Variants in PDE1A observed in about 807,000 individuals in gnomAD.
PDE1A encodes dual specificity calcium/calmodulin-dependent 3',5'-cyclic nucleotide phosphodiesterase 1A.
PDE1A carries 35 observed loss-of-function variants against 61.7 expected under a neutral mutation model. The ratio of observed to expected loss-of-function variants is 0.57; its 90% CI spans 0.43 to 0.75. PDE1A has a LOEUF of 0.75. Ranked by LOEUF, PDE1A falls within the 30% of genes least tolerant of loss-of-function variation. The pLI, the probability that PDE1A is intolerant of heterozygous loss-of-function variation, is 0.00. For synonymous variants in PDE1A, 232 were observed against 213.2 expected (o/e 1.09, Z -0.77); for missense variants, 597 against 630.6 (o/e 0.95, Z 0.57).
At chr2:182,594,998 A>G in the PDE1A span, among the ~76,000 whole-genome samples, 885 of 152,350 alleles carry the variant, frequency 5.8e-3, 8 homozygotes, top group African/African-American at 0.02. Flanking sequence ...TAATTTAACA[A>G]CTGTGCATAG....
the PDE1A span, among the ~76,000 whole-genome samples, chr2:182,626,079 C>A: frequency 6.6e-6 from 1 of 152,150 alleles, no homozygotes; most frequent in East Asian, 1.9e-4. Context: ...CTCCCTGCTG[C>A]CTTTGAAATC....
the PDE1A span, among the ~76,000 whole-genome samples, chr2:182,638,721 A>C: frequency 6.6e-6 from 1 of 152,198 alleles, no homozygotes; most frequent in Non-Finnish European, 1.5e-5. Context: ...ACAAAGTTGC[A>C]CAGGAAGATT....
chr2:182,498,379 G>T (rs1688850785), intron 2 of PDE1A, among the ~76,000 whole-genome samples: 1 of 152,002 alleles, frequency 6.6e-6, no homozygotes, highest in Non-Finnish European at 1.5e-5. Context: ...ATGTTATCAG[G>T]TCTCAGAAAA....
chr2:182,562,896 G>T, the PDE1A span, among the ~76,000 whole-genome samples: 1 of 152,160 alleles, frequency 6.6e-6, no homozygotes, highest in African/African-American at 2.4e-5. Context: ...GGGATCAGTG[G>T]TGATATCCCC....
the PDE1A span, among the ~76,000 whole-genome samples, chr2:182,690,686 C>T: frequency 6.6e-6 from 1 of 152,082 alleles, no homozygotes; most frequent in Admixed American, 6.5e-5. Context: ...CCAGGGCAAT[C>T]GGGCAAGAGA....
intron 6 of PDE1A, 32 bp downstream of exon 6, chr2:182,229,974 C>T (rs58158843): frequency 3.0e-5 from 47 of 1,580,720 alleles, no homozygotes; most frequent in Non-Finnish European, 4.1e-5. Context: ...TGCTTCCAAA[C>T]TAACAAACCT....
chr2:182,385,525 A>T (rs2125340541), intron 1 of PDE1A, among the ~76,000 whole-genome samples: 2 of 152,070 alleles, frequency 1.3e-5, no homozygotes, highest in Middle Eastern at 6.8e-3. Context: ...GCTTCATGTT[A>T]ATCACAAAGC....
intron 2 of PDE1A, among the ~76,000 whole-genome samples, chr2:182,435,105 A>C (rs1399719335): frequency 1.3e-5 from 2 of 152,024 alleles, no homozygotes; most frequent in African/African-American, 2.4e-5. Flanking sequence ...AGTGCTGCCC[A>C]TCAAAAAACT....
chr2:182,175,331 C>T (rs1191734280), intron 13 of PDE1A, among the ~76,000 whole-genome samples: 1 of 152,220 alleles, frequency 6.6e-6, no homozygotes, highest in Non-Finnish European at 1.5e-5. Flanking sequence ...TTCTCCACAT[C>T]CTCTCCAGTA....
In PDE1A at chr2:182,393,637, T is replaced by C. The variant is rs555165439; in HGVS notation, c.53+32941A>G. 2.0e-5 allele frequency among the ~76,000 whole-genome samples: 3 copies of C among 152,330 alleles called. No homozygotes were observed. In the South Asian group the frequency reaches 6.2e-4, roughly 32 times the overall value. ...AAACATGTTATGATTCCAAACCATA[T>C]TTTTGTGAATAAAAAACTGAATGCT... On this transcript the variant is annotated intron_variant, in intron 1 of 13. Transcript: ENST00000351439.
At chr2:182,226,663 C>T (rs1689166845) in intron 6 of PDE1A, among the ~76,000 whole-genome samples, 1 of 149,736 alleles carries the variant, frequency 6.7e-6, no homozygotes, top group African/African-American at 2.5e-5. Flanking sequence ...TAAATCCTGT[C>T]ACTCTTCCCA....
chr2:182,435,428 C>T (rs1209023330), intron 2 of PDE1A, among the ~76,000 whole-genome samples: 6 of 151,972 alleles, frequency 3.9e-5, no homozygotes, highest in African/African-American at 1.4e-4. Flanking sequence ...TTCATAAGCC[C>T]TAAGTACCAT....
chr2:182,471,495 G>C (rs995081302), intron 2 of PDE1A, among the ~76,000 whole-genome samples: 3 of 151,656 alleles, frequency 2.0e-5, no homozygotes, highest in African/African-American at 7.2e-5. Flanking sequence ...TTGAGTGTAG[G>C]ATAGAAGGTA....
chr2:182,657,945 A>G, the PDE1A span, among the ~76,000 whole-genome samples: 1 of 150,432 alleles, frequency 6.6e-6, no homozygotes, highest in Non-Finnish European at 1.5e-5. Context: ...TTTTGTAGCT[A>G]TAAAATGGGA....
the PDE1A span, among the ~76,000 whole-genome samples, chr2:182,615,198 C>T: frequency 8.5e-5 from 13 of 152,122 alleles, no homozygotes; most frequent in Non-Finnish European, 1.5e-4. Flanking sequence ...GGAGTAAGGT[C>T]CAGTGAAAGC....
At chr2:182,185,220 A>G (rs1685106920) in intron 13 of PDE1A, among the ~76,000 whole-genome samples, 1 of 152,164 alleles carries the variant, frequency 6.6e-6, no homozygotes, top group African/African-American at 2.4e-5. Flanking sequence ...TGTAGTGTAT[A>G]AGGGAGACAG....
chr2:182,211,846 A>G (rs1040943403), intron 7 of PDE1A, among the ~76,000 whole-genome samples: 4 of 152,150 alleles, frequency 2.6e-5, no homozygotes, highest in African/African-American at 9.7e-5. Flanking sequence ...TTGTGTATTA[A>G]CCTTGTATTT....
chr2:182,181,072 C>G (rs1684718473), intron 13 of PDE1A, among the ~76,000 whole-genome samples: 1 of 152,030 alleles, frequency 6.6e-6, no homozygotes, highest in African/African-American at 2.4e-5. Context: ...TACCCACCTT[C>G]TGAAGCCTAC....
intron 13 of PDE1A, among the ~76,000 whole-genome samples, chr2:182,176,598 G>T (rs1418332253): frequency 3.4e-5 from 5 of 148,788 alleles, no homozygotes; most frequent in Non-Finnish European, 5.9e-5. Context: ...GTGACCATGG[G>T]GTTTTCTAGA....
Sources: gnomAD v4.1 joint callset for allele counts (sites outside exome capture counted in the v4.1 genomes callset) on GRCh38, gnomAD v4.1.1 for gene constraint, MANE v1.5 for transcripts, NCBI Gene and HGNC (gene_info 2026-07-23, HGNC 2026-07-21) for gene names.